SCFD2: variants seen among roughly 807,000 people sequenced by gnomAD.
SCFD2 encodes the protein sec1 family domain-containing protein 2.
Under a neutral mutation model 58.9 loss-of-function variants are expected in SCFD2, and 54 were observed. The ratio of observed to expected loss-of-function variants is 0.92; its 90% CI spans 0.74 to 1.15. SCFD2 has a LOEUF of 1.15. Among genes scored for constraint, SCFD2 ranks in the 50% most tolerant of loss-of-function variants. The pLI is 0.00. For synonymous variants in SCFD2, 321 were observed against 335.9 expected, an observed-to-expected ratio of 0.96 and a Z score of 0.49; for missense variants, 805 against 836.6, an observed-to-expected ratio of 0.96 and a Z score of 0.47.
In SCFD2 at chr4:53,137,903, G is replaced by A. The variant is rs1413621915; in HGVS notation, c.1561+7430C>T. Among the ~76,000 whole-genome samples the A allele has an allele frequency of 1.6e-4, 25 of 152,182 alleles. 1 individual carries two copies. Reference sequence around the variant, plus strand: ...ATTGGTTTGCTCCTAATAGGTCAGAGGTGTGCCAAGCTGCTGCTTCACCTC... The same window carrying A: ...ATTGGTTTGCTCCTAATAGGTCAGAAGTGTGCCAAGCTGCTGCTTCACCTC... On this transcript the variant is annotated intron_variant, in intron 5 of 8. Coordinates refer to ENST00000401642, the MANE Select transcript of SCFD2 (RefSeq NM_152540.4).
chr4:53,248,316 C>G (rs1730190598), intron 4 of SCFD2, among the ~76,000 whole-genome samples: 1 of 152,198 alleles, frequency 6.6e-6, no homozygotes, highest in Non-Finnish European at 1.5e-5. Context: ...AGTCTGAGAT[C>G]AAACTGCAAG....
chr4:52,907,729 T>C, intron 6 of SCFD2, 138 bp from the exon 7 acceptor site: 1 of 698,934 alleles, frequency 1.4e-6, no homozygotes, highest in East Asian at 2.7e-5. Flanking sequence ...TGTGTGTGTG[T>C]GTGTGTGTGT....
intron 5 of SCFD2, among the ~76,000 whole-genome samples, chr4:52,960,582 T>C (rs1720822959): frequency 6.6e-6 from 1 of 152,076 alleles, no homozygotes; most frequent in African/African-American, 2.4e-5. Context: ...TTGGTCAGGC[T>C]GGTCTCAAAC....
intron 4 of SCFD2, among the ~76,000 whole-genome samples, chr4:53,201,446 T>C (rs1010690867): frequency 3.9e-5 from 6 of 152,144 alleles, no homozygotes; most frequent in Non-Finnish European, 8.8e-5. Context: ...TGGGATGGTT[T>C]CAAGTCTTTG....
At chr4:53,056,459 A>C (rs2046306) in intron 5 of SCFD2, among the ~76,000 whole-genome samples, 51,380 of 152,010 alleles carry the variant, frequency 0.34, 10,166 homozygotes, top group Non-Finnish European at 0.42. Flanking sequence ...TCCTGGAAGT[A>C]AGGAAAGAGT....
At chr4:53,044,636 C>CTTTA (rs1553872071) in intron 5 of SCFD2, among the ~76,000 whole-genome samples, 1 of 486 alleles carries the variant, frequency 2.1e-3, no homozygotes, top group Non-Finnish European at 8.8e-3. Flanking sequence ...TCCCTCCCTC[C>CTTTA]TTTTTTCCTT....
At chr4:52,931,078 A>G (rs1395175806) in intron 5 of SCFD2, among the ~76,000 whole-genome samples, 1 of 152,214 alleles carries the variant, frequency 6.6e-6, no homozygotes, top group Non-Finnish European at 1.5e-5. Flanking sequence ...GGCAGCACAC[A>G]GGCTCCTACT....
chr4:52,945,234 T>C (rs1176093062), intron 5 of SCFD2, among the ~76,000 whole-genome samples: 2 of 152,218 alleles, frequency 1.3e-5, no homozygotes, highest in African/African-American at 4.8e-5. Context: ...AAGAGGGACT[T>C]GTGCTTTTAT....
intron 7 of SCFD2, among the ~76,000 whole-genome samples, chr4:52,893,639 T>C (rs1718930964): frequency 6.6e-6 from 1 of 152,218 alleles, no homozygotes; most frequent in Admixed American, 6.5e-5. Context: ...CCACAGTTGA[T>C]TGGTCCTGGA....
chr4:53,251,427 C>G (rs1459711007), intron 4 of SCFD2, among the ~76,000 whole-genome samples: 1 of 151,950 alleles, frequency 6.6e-6, no homozygotes, highest in Non-Finnish European at 1.5e-5. Flanking sequence ...AGAGACACAA[C>G]AAAAAAAGAG....
intron 8 of SCFD2, among the ~76,000 whole-genome samples, chr4:52,880,709 T>G (rs1718590305): frequency 6.6e-6 from 1 of 152,236 alleles, no homozygotes; most frequent in Non-Finnish European, 1.5e-5. Flanking sequence ...GGCAAGCACG[T>G]GCCTTGCTAC....
At chr4:53,243,717 A>G (rs1177383359) in intron 4 of SCFD2, among the ~76,000 whole-genome samples, 3 of 152,188 alleles carry the variant, frequency 2.0e-5, no homozygotes, top group African/African-American at 7.2e-5. Flanking sequence ...AGAGAAAAAA[A>G]AGAACCAGTG....
At chr4:52,954,550 A>C (rs1720668253) in intron 5 of SCFD2, among the ~76,000 whole-genome samples, 1 of 152,176 alleles carries the variant, frequency 6.6e-6, no homozygotes, top group Admixed American at 6.5e-5. Flanking sequence ...AATGGCTGAA[A>C]AGCAGGAATT....
chr4:53,309,212 G>T (rs1732612056), intron 3 of SCFD2, among the ~76,000 whole-genome samples: 1 of 151,938 alleles, frequency 6.6e-6, no homozygotes, highest in Admixed American at 6.6e-5. Flanking sequence ...GTTCAGTTCT[G>T]GAATTCACAT....
chr4:53,177,345 G>A (rs768600849), intron 4 of SCFD2, among the ~76,000 whole-genome samples: 1 of 152,198 alleles, frequency 6.6e-6, no homozygotes, highest in Non-Finnish European at 1.5e-5. Flanking sequence ...GGTAAAGAAA[G>A]CATCCTGGAG....
At chr4:53,237,934 G>A (rs1283130343) in intron 4 of SCFD2, among the ~76,000 whole-genome samples, 1 of 125,784 alleles carries the variant, frequency 8.0e-6, no homozygotes, top group Non-Finnish European at 1.7e-5. Context: ...TTCCGGACGG[G>A]GCGGCTGGCC....
At chr4:52,977,957 A>T (rs528690267) in intron 5 of SCFD2, among the ~76,000 whole-genome samples, 23 of 152,278 alleles carry the variant, frequency 1.5e-4, no homozygotes, top group African/African-American at 5.5e-4. Flanking sequence ...TTGAAAGGGT[A>T]AGATTCAGGG....
intron 5 of SCFD2, among the ~76,000 whole-genome samples, chr4:53,028,257 T>C (rs1354573109): frequency 6.6e-6 from 1 of 151,760 alleles, no homozygotes; most frequent in African/African-American, 2.4e-5. Context: ...AAAAAATAAA[T>C]AAATAAATAA....
chr4:53,128,239 A>C (rs2148897538), intron 5 of SCFD2, among the ~76,000 whole-genome samples: 1 of 152,316 alleles, frequency 6.6e-6, no homozygotes, highest in East Asian at 1.9e-4. Flanking sequence ...ACGCCATCAA[A>C]AAATTCCAAC....
Sources: gnomAD v4.1 joint callset for allele counts (sites outside exome capture counted in the v4.1 genomes callset) on GRCh38, gnomAD v4.1.1 for gene constraint, MANE v1.5 for transcripts, NCBI Gene and HGNC (gene_info 2026-07-23, HGNC 2026-07-21) for gene names.